PTPRA: variants seen among roughly 807,000 people sequenced by gnomAD.
The protein encoded by PTPRA is receptor-type tyrosine-protein phosphatase alpha.
A neutral mutation model predicts 104.8 loss-of-function variants in PTPRA; 25 were observed. The observed-to-expected ratio is 0.24, with a 90% CI of 0.17 to 0.33. The LOEUF (loss-of-function observed/expected upper bound fraction) is 0.33, where lower values mean the gene tolerates loss of function less well. PTPRA is among the 10% of genes least tolerant of loss of function. The pLI, the probability that PTPRA is intolerant of heterozygous loss-of-function variation, is 1.00. For missense variants in PTPRA, 765 were observed against 1,015.3 expected, an observed-to-expected ratio of 0.75 and a Z score of 3.35; for synonymous variants, 323 against 368.9, an observed-to-expected ratio of 0.88 and a Z score of 1.43.
chr20:2,925,372 T>A (rs2060256541), intron 2 of PTPRA, among the ~76,000 whole-genome samples: 1 of 152,250 alleles, frequency 6.6e-6, no homozygotes, highest in Non-Finnish European at 1.5e-5. Flanking sequence ...TTTCAAGTCA[T>A]CCATGTTGTA....
intron 1 of PTPRA, among the ~76,000 whole-genome samples, chr20:2,890,379 C>G (rs1251770770): frequency 6.6e-6 from 1 of 152,182 alleles, no homozygotes; most frequent in Non-Finnish European, 1.5e-5. Context: ...GTTAGCTCTT[C>G]TGAGACTCAC....
chr20:2,934,731 G>A (rs1412472980), intron 2 of PTPRA, among the ~76,000 whole-genome samples: 1 of 148,498 alleles, frequency 6.7e-6, no homozygotes, highest in East Asian at 2.0e-4. Flanking sequence ...GAGTGCAGTG[G>A]CGCCATCTCA....
chr20:2,870,716 C>T (rs966599103), upstream of PTPRA, among the ~76,000 whole-genome samples: 3 of 152,196 alleles, frequency 2.0e-5, no homozygotes, highest in Non-Finnish European at 4.4e-5. Flanking sequence ...GTCCTTTCCC[C>T]CCATCCTCCA....
At position 3,024,615 on chromosome 20, in the gene PTPRA, G is replaced by A; in HGVS notation, c.1608G>A (p.Glu536=). The change falls in exon 17 of 24, where the codon GAG becomes GAA. Residue 536 remains glutamate, a synonymous_variant. Transcript: ENST00000399903. ...CCAGCAACAATGGATTAGAGGAGGAGTTTAAGGTGAGTTGGAGCTGGATAA... is the reference window on the plus strand; with the variant it reads ...CCAGCAACAATGGATTAGAGGAGGAATTTAAGGTGAGTTGGAGCTGGATAA... ...PGTSNNGLEE[E]FKKLTSIKIQ... 1 of 1,614,164 alleles carries A rather than the reference G, an allele frequency of 6.2e-7. No homozygotes were observed. The highest frequency in any genetic ancestry group is 8.5e-7 in the Non-Finnish European group (1 of 1,180,020).
intron 2 of PTPRA, among the ~76,000 whole-genome samples, chr20:2,938,255 G>A (rs967342014): frequency 1.8e-4 from 28 of 152,128 alleles, no homozygotes; most frequent in Non-Finnish European, 5.9e-5. Context: ...CTCGATCTTG[G>A]TTCACTACAA....
At chr20:3,033,673 G>C (rs549042019) in intron 20 of PTPRA, among the ~76,000 whole-genome samples, 1 of 151,920 alleles carries the variant, frequency 6.6e-6, no homozygotes, top group East Asian at 1.9e-4. Flanking sequence ...AGGCCGAGGC[G>C]GGTGGATCAC....
chr20:3,002,388 G>A (rs995889832), intron 9 of PTPRA, among the ~76,000 whole-genome samples: 7 of 145,776 alleles, frequency 4.8e-5, no homozygotes, highest in East Asian at 2.0e-4. Flanking sequence ...GTGCAATGGC[G>A]CAGTCTTGGC....
intron 3 of PTPRA, among the ~76,000 whole-genome samples, chr20:2,949,631 A>G (rs1172167287): frequency 1.3e-5 from 2 of 151,860 alleles, no homozygotes; most frequent in Non-Finnish European, 2.9e-5. Flanking sequence ...TTTTCATACA[A>G]TACTGAATAG....
At chr20:2,864,536 T>C in the PTPRA span, 3 of 1,614,170 alleles carry the variant, frequency 1.9e-6, no homozygotes, top group African/African-American at 1.3e-5. The surrounding 1 kb of genome is among the most constrained non-coding windows in gnomAD (Gnocchi z 5.2). Context: ...ATTGCCTGCC[T>C]GTGGCCCCAG....
chr20:2,885,862 G>A (rs1011985785), intron 1 of PTPRA, among the ~76,000 whole-genome samples: 82 of 152,012 alleles, frequency 5.4e-4, no homozygotes, highest in Non-Finnish European at 1.0e-4. Flanking sequence ...TCAGGAGTTC[G>A]AGAACAGCCT....
chr20:2,866,014 T>G, the PTPRA span: 1 of 595,786 alleles, frequency 1.7e-6, no homozygotes, highest in East Asian at 2.9e-5. Flanking sequence ...TGACAGAGCT[T>G]TGGTTTAGGT....
chr20:2,893,607 T>A (rs376186561), intron 1 of PTPRA, among the ~76,000 whole-genome samples: 2 of 152,158 alleles, frequency 1.3e-5, no homozygotes, highest in East Asian at 1.9e-4. Context: ...ATCCCCAAAA[T>A]GGTATATGGA....
intron 3 of PTPRA, among the ~76,000 whole-genome samples, chr20:2,948,877 G>A (rs1050980576): frequency 1.8e-4 from 27 of 152,006 alleles, no homozygotes; most frequent in African/African-American, 2.7e-4. Flanking sequence ...GCGTGAACCC[G>A]GGAGGCGGAG....
the PTPRA span, chr20:2,866,226 C>A: frequency 7.4e-6 from 12 of 1,614,050 alleles, no homozygotes; most frequent in African/African-American, 1.1e-4. Flanking sequence ...TTGTGGAGAT[C>A]TGCATGAAAC....
chr20:2,906,728 A>T (rs952715207), intron 1 of PTPRA, among the ~76,000 whole-genome samples: 3 of 152,174 alleles, frequency 2.0e-5, no homozygotes, highest in Non-Finnish European at 4.4e-5. Context: ...GGTTTTATAT[A>T]TTTCATCTTT....
intron 2 of PTPRA, among the ~76,000 whole-genome samples, chr20:2,939,093 T>C (rs2060810211): frequency 6.6e-6 from 1 of 152,212 alleles, no homozygotes; most frequent in African/African-American, 2.4e-5. Flanking sequence ...TTTTCAGTCT[T>C]GTTTTACTCT....
chr20:3,033,640 G>A (rs1035047051), intron 20 of PTPRA, among the ~76,000 whole-genome samples: 6 of 152,136 alleles, frequency 3.9e-5, no homozygotes, highest in African/African-American at 7.2e-5. Flanking sequence ...GGCAGCTCAC[G>A]CCTGTAATCC....
chr20:2,988,392 C>T lies in PTPRA; in HGVS notation c.656C>T (p.Pro219Leu). 6.2e-7 allele frequency: 1 copy of T among 1,612,666 alleles called. No homozygotes were observed. Among genetic ancestry groups the T allele is most frequent in the Non-Finnish European group, 8.5e-7 (1 of 1,179,772 alleles). Residue 219 changes from proline (P) to leucine (L), a missense_variant, in exon 9 of 24, where the codon CCA becomes CTA. Physicochemically the swap from Pro to Leu is moderately conservative, Grantham distance 98. This residue lies in a region of PTPRA where 245 missense variants were observed against 398.7 expected (regional missense o/e 0.61). Coordinates refer to ENST00000399903, the MANE Select transcript of PTPRA (RefSeq NM_001385305.1). ...ARSPSTNRKY[P>L]PLPVDKLEEE... Reference sequence around the variant, plus strand: ...TCCCCAAGCACCAACAGGAAATACCCACCCCTGCCCGTGGACAAGCTGGAA... The same window carrying T: ...TCCCCAAGCACCAACAGGAAATACCTACCCCTGCCCGTGGACAAGCTGGAA...
At chr20:3,026,487 G>T (rs1360624746) in intron 17 of PTPRA, among the ~76,000 whole-genome samples, 200 bp from the exon 18 acceptor site, 1 of 152,126 alleles carries the variant, frequency 6.6e-6, no homozygotes, top group African/African-American at 2.4e-5. Context: ...GAGTCCACAG[G>T]AGCCTGGAAG....
Sources: allele counts gnomAD v4.1 joint callset (sites outside exome capture counted in the v4.1 genomes callset), GRCh38; gene constraint gnomAD v4.1.1; regional missense constraint gnomAD v4.1.1; non-coding constraint Gnocchi (gnomAD v3.1); transcripts MANE v1.5; gene names NCBI Gene and HGNC (gene_info 2026-07-23, HGNC 2026-07-21).